The following WNT2 variants were observed in gnomAD, a reference collection of about 807,000 sequenced individuals.
WNT2 encodes protein Wnt-2.
Under a neutral mutation model 36.9 loss-of-function variants are expected in WNT2, and 12 were observed. The observed-to-expected ratio is 0.33, with a 90% CI of 0.21 to 0.53. The LOEUF (loss-of-function observed/expected upper bound fraction) is 0.53, where lower values mean the gene tolerates loss of function less well. Among genes scored for constraint, WNT2 ranks in the 20% least tolerant of loss-of-function variants. The pLI is 0.95. For synonymous variants in WNT2, 163 were observed against 174.6 expected (o/e 0.93, Z 0.52); for missense variants, 379 against 473.1 (o/e 0.80, Z 1.84).
intron 4 of WNT2, among the ~76,000 whole-genome samples, chr7:117,297,217 T>A (rs1177313322): frequency 6.6e-6 from 1 of 152,190 alleles, no homozygotes; most frequent in African/African-American, 2.4e-5. Flanking sequence ...TTAGGAGAGC[T>A]CTCTGTGCAG....
At chr7:117,309,762 C>T (rs1795086758) in intron 3 of WNT2, among the ~76,000 whole-genome samples, 1 of 152,020 alleles carries the variant, frequency 6.6e-6, no homozygotes, top group Non-Finnish European at 1.5e-5. Context: ...CTAAGAGCTC[C>T]CAATGAGTAG....
Position 117,278,121 on chromosome 7 carries a change from T to C in WNT2, c.*34A>G, listed in dbSNP as rs1794412884. On this transcript the variant is annotated 3_prime_UTR_variant, in exon 5 of 5. Transcript: ENST00000265441. ...TCTTGCAGATCCAATGGAGTCCTTG[T>C]AGAAGGGAAGGTGGATGGTGACGCC... The C allele has an allele frequency of 6.2e-7, 1 of 1,608,410 alleles. No homozygotes were observed. The highest frequency in any genetic ancestry group is 1.7e-5 in the Admixed American group (1 of 59,948).
intron 4 of WNT2, among the ~76,000 whole-genome samples, chr7:117,283,131 G>T (rs1209487224): frequency 1.3e-5 from 2 of 152,158 alleles, no homozygotes; most frequent in Non-Finnish European, 2.9e-5. Flanking sequence ...GGGCATTCAG[G>T]TAGAAATGTT....
intron 4 of WNT2, among the ~76,000 whole-genome samples, chr7:117,290,504 A>G (rs891103147): frequency 4.6e-5 from 7 of 152,220 alleles, no homozygotes; most frequent in Non-Finnish European, 1.0e-4. Context: ...CCTCAGTGAA[A>G]CATTTTTTTC....
intron 3 of WNT2, among the ~76,000 whole-genome samples, chr7:117,301,216 C>T (rs1265153662): frequency 6.6e-6 from 1 of 152,168 alleles, no homozygotes; most frequent in African/African-American, 2.4e-5. Flanking sequence ...CCAGCACCCA[C>T]TGTTAACGCA....
Position 117,320,579 on chromosome 7 carries a change from C to A in WNT2, c.298G>T (p.Val100Phe), listed in dbSNP as rs768905086. The A allele has an allele frequency of 1.9e-6, 3 of 1,613,422 alleles. No individual in the cohort carries two copies. The Admixed American group carries it at 5.0e-5, about 27-fold the overall frequency. Residue 100 changes from valine to phenylalanine, a missense_variant, in exon 2 of 5, where the codon GTC becomes TTC. Transcript: ENST00000265441. ...GCAGGAGACTTACTTCGGAGTAGGACCCTGCCAAAAAGGCTGTGATCCCTG... is the reference window on the plus strand; with the variant it reads ...GCAGGAGACTTACTTCGGAGTAGGAACCTGCCAAAAAGGCTGTGATCCCTG... ...LDRDHSLFGRVLLRSSRESAF... is the reference protein window; with the variant it reads ...LDRDHSLFGRFLLRSSRESAF...
At chr7:117,289,625 A>G (rs1230462580) in intron 4 of WNT2, among the ~76,000 whole-genome samples, 1 of 152,198 alleles carries the variant, frequency 6.6e-6, no homozygotes, top group Non-Finnish European at 1.5e-5. Flanking sequence ...AAACTGTTTT[A>G]TGTTTTTTTA....
chr7:117,298,427 C>T (rs765730838), intron 3 of WNT2, among the ~76,000 whole-genome samples: 16 of 152,116 alleles, frequency 1.1e-4, no homozygotes, highest in Admixed American at 7.9e-4. Flanking sequence ...TGGAAGCACT[C>T]ACCCAAAGTT....
At chr7:117,319,744 A>T (rs567018981) in intron 2 of WNT2, among the ~76,000 whole-genome samples, 2 of 152,186 alleles carry the variant, frequency 1.3e-5, no homozygotes, top group Non-Finnish European at 2.9e-5. Flanking sequence ...TACTTTCCAT[A>T]TTCAGAACTT....
At chr7:117,309,034 A>C (rs1160788940) in intron 3 of WNT2, among the ~76,000 whole-genome samples, 1 of 151,860 alleles carries the variant, frequency 6.6e-6, no homozygotes, top group East Asian at 1.9e-4. Flanking sequence ...ACATAAAAAA[A>C]AAAAAAAAAT....
intron 4 of WNT2, among the ~76,000 whole-genome samples, chr7:117,281,675 TGGAATACTTCA>T (rs1794491871): frequency 6.6e-6 from 1 of 151,954 alleles, no homozygotes; most frequent in Admixed American, 6.6e-5. Context: ...GGAGGGCTGT[TGGAATACTTCA>T]GACAAGAGAT....
chr7:117,313,253 C>T (rs1795155659), intron 3 of WNT2, among the ~76,000 whole-genome samples: 1 of 152,198 alleles, frequency 6.6e-6, no homozygotes, highest in Admixed American at 6.5e-5. Flanking sequence ...TACATTTACT[C>T]TCATTAAAGT....
chr7:117,310,837 A>G (rs1760854451), intron 3 of WNT2, among the ~76,000 whole-genome samples: 1 of 152,156 alleles, frequency 6.6e-6, no homozygotes. Flanking sequence ...TCTTTTTATG[A>G]TACAACCATT....
chr7:117,301,011 C>T (rs1004054980), intron 3 of WNT2: 9 of 151,656 alleles, frequency 5.9e-5, no homozygotes, highest in East Asian at 2.0e-4. Flanking sequence ...TGCCCTACCG[C>T]CAGACTTTTT....
At chr7:117,302,602 C>A (rs577065601) in intron 3 of WNT2, among the ~76,000 whole-genome samples, 52 of 152,264 alleles carry the variant, frequency 3.4e-4, no homozygotes, top group African/African-American at 1.2e-3. Flanking sequence ...AGGATACACA[C>A]CCACATGGAT....
chr7:117,290,041 G>A (rs1794658916), intron 4 of WNT2, among the ~76,000 whole-genome samples: 1 of 152,154 alleles, frequency 6.6e-6, no homozygotes, highest in Non-Finnish European at 1.5e-5. Flanking sequence ...TCAGGGGACA[G>A]GGCAAATAAG....
At chr7:117,316,681 G>A (rs1381808538) in intron 2 of WNT2, among the ~76,000 whole-genome samples, 1 of 152,052 alleles carries the variant, frequency 6.6e-6, no homozygotes. Flanking sequence ...ATATTAAATG[G>A]CACTTACCTC....
chr7:117,316,801 G>A (rs1671418386), intron 2 of WNT2, among the ~76,000 whole-genome samples: 1 of 152,168 alleles, frequency 6.6e-6, no homozygotes, highest in Admixed American at 6.5e-5. Context: ...TAGGTAGCAG[G>A]TAGTGCTCTC....
chr7:117,293,154 G>A (rs567433974), intron 4 of WNT2, among the ~76,000 whole-genome samples: 30 of 151,970 alleles, frequency 2.0e-4, no homozygotes, highest in Admixed American at 1.8e-3. Flanking sequence ...ATATAATTTC[G>A]GGAACAGCTC....
Sources: allele counts gnomAD v4.1 joint callset (sites outside exome capture counted in the v4.1 genomes callset), GRCh38; gene constraint gnomAD v4.1.1; transcripts MANE v1.5; gene names NCBI Gene and HGNC (gene_info 2026-07-23, HGNC 2026-07-21).